MBNL1: variants seen among roughly 807,000 people sequenced by gnomAD.
The protein encoded by MBNL1 is muscleblind like splicing regulator 1, also known as muscleblind-like protein 1.
Under a neutral mutation model 42.2 loss-of-function variants are expected in MBNL1, and 8 were observed. The ratio of observed to expected loss-of-function variants is 0.19; its 90% CI spans 0.11 to 0.34. The LOEUF is 0.34. Ranked by LOEUF, MBNL1 falls within the 10% of genes least tolerant of loss-of-function variation. MBNL1 has a pLI of 1.00. For synonymous variants in MBNL1, 169 were observed against 173.9 expected, an observed-to-expected ratio of 0.97 and a Z score of 0.22; for missense variants, 309 against 495.3, an observed-to-expected ratio of 0.62 and a Z score of 3.57.
At position 152,289,780 on chromosome 3, in the gene MBNL1, C is replaced by T. The variant is rs529399232; in HGVS notation, c.-789-9625C>T. ...GATTGTAATGTTAAAGTGTGTAGCA[C>T]CTATGTGGCTTGAGTATTTGTAAGT... On this transcript the variant is annotated intron_variant, in intron 1 of 9. Transcript: ENST00000324210. Among the ~76,000 whole-genome samples the T allele has an allele frequency of 2.0e-5, 3 of 152,002 alleles. 1 individual carries two copies. Among genetic ancestry groups the T allele is most frequent in the African/African-American group, 7.2e-5 (3 of 41,506 alleles).
chr3:152,302,246 G>A (rs2061009820), intron 2 of MBNL1: 1 of 151,858 alleles, frequency 6.6e-6, no homozygotes, highest in Admixed American at 6.6e-5. Context: ...GCTAATCAAT[G>A]CAAACTTTGT....
intron 2 of MBNL1, among the ~76,000 whole-genome samples, chr3:152,306,048 C>A (rs1330912612): frequency 6.6e-6 from 1 of 152,182 alleles, no homozygotes; most frequent in East Asian, 1.9e-4. Flanking sequence ...GGTTGACAGG[C>A]TGTTTGTCCT....
chr3:152,321,460 C>T (rs912732165), intron 2 of MBNL1, among the ~76,000 whole-genome samples: 4 of 151,846 alleles, frequency 2.6e-5, no homozygotes, highest in Non-Finnish European at 4.4e-5. Flanking sequence ...GTGAGTTTTC[C>T]GAGAGGGTAA....
At chr3:152,336,090 C>A (rs1339048110) in intron 2 of MBNL1, among the ~76,000 whole-genome samples, 3 of 152,108 alleles carry the variant, frequency 2.0e-5, no homozygotes, top group African/African-American at 7.2e-5. Context: ...CCTTGCGATG[C>A]TTAACAACAG....
At chr3:152,327,168 GTTCC>G (rs1414562083) in intron 2 of MBNL1, among the ~76,000 whole-genome samples, 2 of 151,920 alleles carry the variant, frequency 1.3e-5, no homozygotes, top group East Asian at 3.9e-4. Context: ...TGATAACATT[GTTCC>G]TATGGTAATA....
chr3:152,259,771 A>G (rs1046553997), intron 2 of MBNL1, among the ~76,000 whole-genome samples: 1 of 152,224 alleles, frequency 6.6e-6, no homozygotes, highest in Non-Finnish European at 1.5e-5. Context: ...TGTCCTTACA[A>G]ATGAAGAAGA....
intron 2 of MBNL1, among the ~76,000 whole-genome samples, chr3:152,386,941 C>T (rs1416384439): frequency 6.6e-6 from 1 of 152,006 alleles, no homozygotes; most frequent in Non-Finnish European, 1.5e-5. Context: ...CAATGTGGTG[C>T]AGAATGTTGA....
chr3:152,254,141 C>A (rs1361073156), intron 2 of MBNL1, among the ~76,000 whole-genome samples: 1 of 152,102 alleles, frequency 6.6e-6, no homozygotes, highest in Non-Finnish European at 1.5e-5. Flanking sequence ...ACACTGTCTT[C>A]AAGGGGCCAG....
At chr3:152,402,302 C>A (rs896417596) in intron 2 of MBNL1, among the ~76,000 whole-genome samples, 13 of 152,272 alleles carry the variant, frequency 8.5e-5, no homozygotes, top group African/African-American at 3.1e-4. Context: ...TATATTCCCC[C>A]ATTTAATATT....
intron 3 of MBNL1, among the ~76,000 whole-genome samples, chr3:152,430,894 G>A (rs902240599): frequency 7.9e-5 from 12 of 152,226 alleles, no homozygotes; most frequent in African/African-American, 2.4e-4. Context: ...AAGAGCCATC[G>A]ACCTGGCAGA....
At position 152,410,445 on chromosome 3, in the gene MBNL1, A is replaced by C. The variant is rs577510364; in HGVS notation, c.175-4496A>C. On this transcript the variant is annotated intron_variant, in intron 2 of 9. Transcript: ENST00000324210. Reference sequence around the variant, plus strand: ...ACTTTTAATTGAAAAGTACAGAAAAAATATTACAAAAAATGAACTTGGTGT... The same window carrying C: ...ACTTTTAATTGAAAAGTACAGAAAACATATTACAAAAAATGAACTTGGTGT... 1.4e-4 allele frequency among the ~76,000 whole-genome samples: 21 copies of C among 152,352 alleles called. No homozygotes were observed. The South Asian group carries it at 4.1e-3, about 30-fold the overall frequency.
chr3:152,393,095 A>G (rs930943564), intron 2 of MBNL1, among the ~76,000 whole-genome samples: 1 of 152,178 alleles, frequency 6.6e-6, no homozygotes, highest in Non-Finnish European at 1.5e-5. Context: ...ACTCCTTTAC[A>G]TAAACATCTC....
chr3:152,269,905 C>CT (rs1253882008), intron 1 of MBNL1: 1 of 13,028 alleles, frequency 7.7e-5, no homozygotes, highest in Non-Finnish European at 1.5e-4. Flanking sequence ...AAATATGTAG[C>CT]CACCCCCCAA....
At chr3:152,421,355 G>T (rs374243253) in intron 3 of MBNL1, among the ~76,000 whole-genome samples, 6 of 152,126 alleles carry the variant, frequency 3.9e-5, no homozygotes, top group African/African-American at 1.4e-4. Flanking sequence ...CCAGGGAGCC[G>T]AGTGTTCTTG....
intron 2 of MBNL1, among the ~76,000 whole-genome samples, chr3:152,318,713 A>G (rs1353267211): frequency 6.6e-6 from 1 of 152,164 alleles, no homozygotes; most frequent in African/African-American, 2.4e-5. Context: ...TGGGTTTATC[A>G]TTACTACATA....
At chr3:152,394,121 G>T (rs1323742059) in intron 2 of MBNL1, among the ~76,000 whole-genome samples, 3 of 152,150 alleles carry the variant, frequency 2.0e-5, no homozygotes, top group Non-Finnish European at 4.4e-5. Flanking sequence ...TTCATCCAAA[G>T]TGAGAATCTC....
In MBNL1 at chr3:152,465,019, C is replaced by T. The variant is rs1224266178; in HGVS notation, c.*2653C>T. On this transcript the variant is annotated 3_prime_UTR_variant, in exon 10 of 10. Transcript: ENST00000324210. ...TTCTTGTGGACAGCTTGTAGTTTGC[C>T]AGGATTTTTTCAGCTGGAAAGATAC... The T allele has an allele frequency of 6.6e-6, 1 of 152,528 alleles. No individual in the cohort carries two copies. Among genetic ancestry groups the T allele is most frequent in the East Asian group, 1.9e-4 (1 of 5,196 alleles). The allele number at this position is 152,528 out of a possible 1,614,324, so 9.4% of individuals were successfully genotyped here.
In MBNL1 at chr3:152,328,525, G is replaced by A. The variant is rs117054346; in HGVS notation, c.174+28158G>A. On this transcript the variant is annotated intron_variant, in intron 2 of 9. Transcript: ENST00000324210. ...AGCTGTTCTAGATATTTGAGATTAG[G>A]GTTGAGGCAAATTGTTGACATATAA... Among the ~76,000 whole-genome samples, 68 of 152,106 alleles carry A rather than the reference G, an allele frequency of 4.5e-4. 4 individuals are homozygous for A. In the East Asian group the frequency reaches 0.013, roughly 29 times the overall value.
At chr3:152,346,476 TA>T (rs1308677704) in intron 2 of MBNL1, among the ~76,000 whole-genome samples, 1 of 152,162 alleles carries the variant, frequency 6.6e-6, no homozygotes, top group Non-Finnish European at 1.5e-5. Flanking sequence ...GAGAAGAGTT[TA>T]TTTTATGAGA....
Sources: gnomAD v4.1 joint callset for allele counts (sites outside exome capture counted in the v4.1 genomes callset) on GRCh38, gnomAD v4.1.1 for gene constraint, MANE v1.5 for transcripts, NCBI Gene and HGNC (gene_info 2026-07-23, HGNC 2026-07-21) for gene names.